The following TLE1 variants were observed in gnomAD, a reference collection of about 807,000 sequenced individuals.
TLE1 encodes the protein transducin-like enhancer protein 1.
TLE1 carries 21 observed loss-of-function variants against 89.8 expected under a neutral mutation model. The ratio of observed to expected loss-of-function variants is 0.23; its 90% CI spans 0.17 to 0.34. TLE1 has a LOEUF of 0.34. Among genes scored for constraint, TLE1 ranks in the 10% least tolerant of loss-of-function variants. The pLI, the probability that TLE1 is intolerant of heterozygous loss-of-function variation, is 1.00. For synonymous variants in TLE1, 447 were observed against 407.6 expected (o/e 1.10, Z -1.16); for missense variants, 795 against 1,031.2 (o/e 0.77, Z 3.14).
intron 4 of TLE1, among the ~76,000 whole-genome samples, chr9:81,671,759 G>A (rs756037729): frequency 2.5e-4 from 38 of 152,048 alleles, no homozygotes; most frequent in Non-Finnish European, 4.7e-4. Flanking sequence ...TAGCATCTAG[G>A]GTAGTCGATT....
At position 81,594,227 on chromosome 9, in the gene TLE1, T is replaced by C. The variant is rs535774021; in HGVS notation, c.1332-953A>G. ...TCCTACGGCCCCTCTGGGCCACAAG[T>C]TGATTTCAAAGACAGAAATCAATTG... On this transcript the variant is annotated intron_variant, in intron 14 of 19. Coordinates refer to ENST00000376499, the MANE Select transcript of TLE1 (RefSeq NM_005077.5). Among the ~76,000 whole-genome samples, 72 of 152,314 alleles carry C rather than the reference T, an allele frequency of 4.7e-4. 1 individual carries two copies. In the South Asian group the frequency reaches 0.013, roughly 27 times the overall value.
intron 14 of TLE1, among the ~76,000 whole-genome samples, chr9:81,602,835 TA>T (rs200549454): frequency 5.4e-5 from 8 of 147,542 alleles, no homozygotes; most frequent in South Asian, 2.2e-4. Flanking sequence ...ATAAGACTGT[TA>T]AAAAAAAAAC....
rs548273972 is a variant in TLE1 at position 81,623,023 on chromosome 9, G to C, written c.595-2466C>G. ...GCCCCTGACTTCTTCCAGCCCTGACGCTGCTTTCATTGTTGTTCTTGATAT... is the reference window on the plus strand; with the variant it reads ...GCCCCTGACTTCTTCCAGCCCTGACCCTGCTTTCATTGTTGTTCTTGATAT... On this transcript the variant is annotated intron_variant, in intron 8 of 19. Transcript: ENST00000376499. Among the ~76,000 whole-genome samples the C allele has an allele frequency of 7.9e-5, 12 of 152,198 alleles. No homozygotes were observed. The East Asian group carries it at 1.9e-3, about 25-fold the overall frequency.
chr9:81,675,697 A>ATTTTTTTTTTTTTTTTTTTT (rs1832783096), intron 4 of TLE1, among the ~76,000 whole-genome samples: 2 of 99,816 alleles, frequency 2.0e-5, no homozygotes, highest in African/African-American at 9.7e-5. Context: ...GACTCACACT[A>ATTTTTTTTTTTTTTTTTTTT]GTTTTTTTTT....
intron 17 of TLE1, 152 bp downstream of exon 17, chr9:81,587,529 G>A (rs1255380089): frequency 2.7e-6 from 3 of 1,102,448 alleles, no homozygotes; most frequent in African/African-American, 3.2e-5. Context: ...AGGAGGTGGT[G>A]GTCATTGTTT....
intron 14 of TLE1, among the ~76,000 whole-genome samples, chr9:81,598,489 T>G (rs1830506617): frequency 6.6e-6 from 1 of 152,166 alleles, no homozygotes; most frequent in Non-Finnish European, 1.5e-5. Context: ...ATTCCAGAGT[T>G]CTTCAGGGGC....
rs868079877 is a variant in TLE1 at position 81,645,557 on chromosome 9, A to G, written c.372+6657T>C. ...GGAGCTCCAGATCAGCCTGGCCAAC[A>G]TGGAGAAACCTCGTCTCTACTAAAA... is the stretch of plus-strand genomic sequence containing the variant. On this transcript the variant is annotated intron_variant, in intron 6 of 19. Coordinates refer to ENST00000376499, the MANE Select transcript of TLE1 (RefSeq NM_005077.5). 3.1e-4 allele frequency among the ~76,000 whole-genome samples: 47 copies of G among 151,980 alleles called. No individual in the cohort carries two copies. In the Middle Eastern group the frequency reaches 0.024, roughly 77 times the overall value.
rs530072232 is a variant in TLE1 at position 81,615,544 on chromosome 9, CAAAAAAA to C, written c.918+431_918+437del. Among the ~76,000 whole-genome samples the C allele has an allele frequency of 1.2e-3, 125 of 101,184 alleles. 1 individual carries two copies. The highest frequency in any genetic ancestry group is 4.3e-3 in the African/African-American group (120 of 27,624). The allele number at this position is 101,184 out of a possible 152,430, so 66.4% of individuals were successfully genotyped here. ...CAAAACCCCATCTCTACTAAAAATA[CAAAAAAA>C]AAAAAAAAAAAATTAGCTGGGCATG... is the stretch of plus-strand genomic sequence containing the variant. On this transcript the variant is annotated intron_variant, in intron 11 of 19. Coordinates refer to ENST00000376499, the MANE Select transcript of TLE1 (RefSeq NM_005077.5).
chr9:81,610,385 C>T, intron 13 of TLE1, 89 bp from the exon 14 acceptor site: 1 of 953,346 alleles, frequency 1.0e-6, no homozygotes, highest in Non-Finnish European at 1.6e-6. Context: ...ACTCACAGAT[C>T]CCCAAAGCAA....
intron 17 of TLE1, among the ~76,000 whole-genome samples, chr9:81,586,679 C>A (rs2796460): frequency 0.96 from 146,146 of 152,234 alleles, 70,209 homozygotes; most frequent in Non-Finnish European, 0.98. Context: ...CAAATAACTT[C>A]AAGCTGAGCG....
intron 8 of TLE1, among the ~76,000 whole-genome samples, chr9:81,625,911 T>TAAAAAAA (rs35467275): frequency 0.043 from 3,762 of 87,674 alleles, 194 homozygotes; most frequent in African/African-American, 0.075. Context: ...CAGAAACTAC[T>TAAAAAAA]AAAAAAAAAA....
intron 13 of TLE1, among the ~76,000 whole-genome samples, chr9:81,610,507 G>A (rs1262172770): frequency 6.6e-6 from 1 of 152,184 alleles, no homozygotes; most frequent in Non-Finnish European, 1.5e-5. Context: ...GGGAGGTAGA[G>A]AGGAGATGTG....
At chr9:81,615,891 A>G in intron 11 of TLE1, 91 bp downstream of exon 11, 2 of 1,520,142 alleles carry the variant, frequency 1.3e-6, no homozygotes, top group Non-Finnish European at 1.8e-6. Context: ...CTCAAGCAGC[A>G]AAACCCCCAC....
At chr9:81,594,188 A>G (rs987685861) in intron 14 of TLE1, among the ~76,000 whole-genome samples, 2 of 152,212 alleles carry the variant, frequency 1.3e-5, no homozygotes, top group African/African-American at 4.8e-5. Flanking sequence ...AGCTAAGAGC[A>G]AGATGACTGG....
At chr9:81,664,984 G>A (rs1415809582) in intron 4 of TLE1, among the ~76,000 whole-genome samples, 1 of 152,120 alleles carries the variant, frequency 6.6e-6, no homozygotes, top group Non-Finnish European at 1.5e-5. Context: ...CACCTGCCAG[G>A]TGCTCTGACA....
chr9:81,607,991 G>A (rs1831914240), intron 14 of TLE1, among the ~76,000 whole-genome samples: 1 of 152,202 alleles, frequency 6.6e-6, no homozygotes, highest in South Asian at 2.1e-4. Context: ...ATGGGAATCG[G>A]CTTTCCTAAA....
At chr9:81,641,886 G>C (rs1828168408) in intron 6 of TLE1, among the ~76,000 whole-genome samples, 1 of 152,168 alleles carries the variant, frequency 6.6e-6, no homozygotes, top group Non-Finnish European at 1.5e-5. Context: ...GCCAGGTGTG[G>C]TGGCGCATGC....
chr9:81,620,624 C>T (rs966443137), intron 8 of TLE1, 67 bp from the exon 9 acceptor site: 21 of 1,559,496 alleles, frequency 1.3e-5, no homozygotes, highest in Non-Finnish European at 1.6e-5. Context: ...AACCCAACCT[C>T]GATGTGAGAA....
At chr9:81,625,136 C>T (rs1825749200) in intron 8 of TLE1, among the ~76,000 whole-genome samples, 1 of 152,126 alleles carries the variant, frequency 6.6e-6, no homozygotes, top group Admixed American at 6.5e-5. Flanking sequence ...GGTGCAAGAA[C>T]ACAGAAACCA....
Sources: allele counts gnomAD v4.1 joint callset (sites outside exome capture counted in the v4.1 genomes callset), GRCh38; gene constraint gnomAD v4.1.1; transcripts MANE v1.5; gene names NCBI Gene and HGNC (gene_info 2026-07-23, HGNC 2026-07-21).